The following CA12 variants were observed in gnomAD, a reference collection of about 807,000 sequenced individuals.
The protein encoded by CA12 is carbonate dehydratase XII.
CA12 carries 36 observed loss-of-function variants against 46.8 expected under a neutral mutation model. That is an observed-to-expected ratio of 0.77 (90% CI 0.59 to 1.02). The LOEUF (loss-of-function observed/expected upper bound fraction) is 1.02, where lower values mean the gene tolerates loss of function less well. Among genes scored for constraint, CA12 ranks in the 50% least tolerant of loss-of-function variants. The pLI is 0.00. For synonymous variants in CA12, 202 were observed against 187.0 expected, an observed-to-expected ratio of 1.08 and a Z score of -0.65; for missense variants, 436 against 451.4, an observed-to-expected ratio of 0.97 and a Z score of 0.31.
chr15:63,375,300 G>A (rs1225613465), intron 2 of CA12, among the ~76,000 whole-genome samples: 2 of 152,234 alleles, frequency 1.3e-5, no homozygotes, highest in Admixed American at 6.5e-5. Flanking sequence ...AATAGGATAT[G>A]TGTCCTGCAA....
At chr15:63,346,486 G>C (rs1567046148) in intron 3 of CA12, 44 bp downstream of exon 3, 2 of 1,593,258 alleles carry the variant, frequency 1.3e-6, no homozygotes, top group Non-Finnish European at 1.7e-6. Flanking sequence ...GCAGCTGAGG[G>C]AGACTCAGAC....
rs960822181 is a variant in CA12 at position 63,355,476 on chromosome 15, G to A, written c.107-8767C>T. 2.6e-5 allele frequency among the ~76,000 whole-genome samples: 4 copies of A among 152,268 alleles called. No homozygotes were observed. Among genetic ancestry groups the A allele is most frequent in the East Asian group, 1.9e-4 (1 of 5,180 alleles). On this transcript the variant is annotated intron_variant, in intron 2 of 10. Transcript: ENST00000178638. This position sits in a 1 kb window ranked among gnomAD's most constrained non-coding sequence, Gnocchi z 4.1. ...GGCCCCACCCCAGGCCTACCGAACC[G>A]GACACTCTGGGGGTGGCGCCCAGCA...
chr15:63,363,603 C>T (rs2039395099), intron 2 of CA12, among the ~76,000 whole-genome samples: 1 of 152,214 alleles, frequency 6.6e-6, no homozygotes, highest in South Asian at 2.1e-4. Context: ...CAGGCTCAAG[C>T]TCAAAAGCCA....
At chr15:63,375,125 C>T (rs575292434) in intron 2 of CA12, among the ~76,000 whole-genome samples, 1 of 152,350 alleles carries the variant, frequency 6.6e-6, no homozygotes, top group South Asian at 2.1e-4. Flanking sequence ...CCTCTCGCTT[C>T]ATTTAAGACA....
chr15:63,360,262 T>C (rs2039344343), intron 2 of CA12, among the ~76,000 whole-genome samples: 1 of 152,200 alleles, frequency 6.6e-6, no homozygotes, highest in South Asian at 2.1e-4. Context: ...CTCAGCATCA[T>C]TGGCTGAGGA....
rs568742440 is a variant in CA12, at chr15:63,373,902, G to C, written c.106+1756C>G. On this transcript the variant is annotated intron_variant, in intron 2 of 10. Coordinates refer to ENST00000178638, the MANE Select transcript of CA12 (RefSeq NM_001218.5). This position sits in a 1 kb window ranked among gnomAD's most constrained non-coding sequence, Gnocchi z 4.9. ...CCTACACACGGAACCTGCCCAAGGGGCCCTGTGGCCCAGATTCTGCGATTC... is the reference window on the plus strand; with the variant it reads ...CCTACACACGGAACCTGCCCAAGGGCCCCTGTGGCCCAGATTCTGCGATTC... 6.6e-6 allele frequency among the ~76,000 whole-genome samples: 1 copy of C among 152,280 alleles called. No homozygotes were observed. Among genetic ancestry groups the C allele is most frequent in the African/African-American group, 2.4e-5 (1 of 41,558 alleles).
chr15:63,361,492 C>A (rs2039363243), intron 2 of CA12, among the ~76,000 whole-genome samples: 1 of 152,142 alleles, frequency 6.6e-6, no homozygotes, highest in Non-Finnish European at 1.5e-5. Context: ...ATCTAGTGGG[C>A]AGAGGCCAGG....
rs1051444811 is a variant in CA12 at position 63,321,447 on chromosome 15, G to C, written c.*4838C>G. On this transcript the variant is annotated 3_prime_UTR_variant, in exon 11 of 11. Transcript: ENST00000178638. The surrounding 1 kb of genome is among the most constrained non-coding windows in gnomAD (Gnocchi z 4.5). ...GTAATCTGGCCCTTATCTCTGCCCA[G>C]TCATTCTATAATGAAGAGGCACGGG... The C allele has an allele frequency of 1.3e-5, 2 of 152,256 alleles. No individual in the cohort carries two copies. The highest frequency in any genetic ancestry group is 6.5e-5 in the Admixed American group (1 of 15,288). The allele number at this position is 152,256 out of a possible 1,614,324, so 9.4% of individuals were successfully genotyped here.
chr15:63,360,522 G>A lies in CA12; in HGVS notation c.107-13813C>T, dbSNP rs182031454. On this transcript the variant is annotated intron_variant, in intron 2 of 10. Transcript: ENST00000178638. ...TGCTGAAACATGAAAGACCCATGGAGAACTGTCTCCCAACACTACCCCTCA... is the reference window on the plus strand; with the variant it reads ...TGCTGAAACATGAAAGACCCATGGAAAACTGTCTCCCAACACTACCCCTCA... 1.0e-3 allele frequency among the ~76,000 whole-genome samples: 152 copies of A among 152,298 alleles called. 1 individual carries two copies. In the Middle Eastern group the frequency reaches 0.027, roughly 27 times the overall value.
At chr15:63,368,051 C>T (rs2039457644) in intron 2 of CA12, among the ~76,000 whole-genome samples, 1 of 152,174 alleles carries the variant, frequency 6.6e-6, no homozygotes, top group African/African-American at 2.4e-5. Context: ...GTTTTGCCTC[C>T]ACTGTTTTCA....
chr15:63,336,289 T>C (rs2039002565), intron 8 of CA12, among the ~76,000 whole-genome samples: 1 of 152,174 alleles, frequency 6.6e-6, no homozygotes, highest in Non-Finnish European at 1.5e-5. Flanking sequence ...GCTGCCCCAC[T>C]ACAAGCAGCT....
Position 63,328,133 on chromosome 15 carries a change from TAAAAG to T in CA12, c.875-8_875-4del, listed in dbSNP as rs754610491. ...TCCTGCCGCAGTACAGACTTGCACT[TAAAAG>T]GGGAGAGGAAAAGACGAGGTTACTC... On this transcript the variant is annotated splice_region_variant and splice_polypyrimidine_tract_variant and intron_variant, in intron 8 of 10. Transcript: ENST00000178638. The surrounding 1 kb of genome is among the most constrained non-coding windows in gnomAD (Gnocchi z 5.9). The T allele has an allele frequency of 6.2e-7, 1 of 1,613,822 alleles. No homozygotes were observed. Among genetic ancestry groups the T allele is most frequent in the Non-Finnish European group, 8.5e-7 (1 of 1,179,830 alleles).
At chr15:63,357,227 C>T (rs940488065) in intron 2 of CA12, among the ~76,000 whole-genome samples, 7 of 152,356 alleles carry the variant, frequency 4.6e-5, no homozygotes, top group African/African-American at 1.2e-4. Flanking sequence ...CAATCAGAAT[C>T]TCCTAGAGGG....
Position 63,322,698 on chromosome 15 carries a change from A to G in CA12, c.*3587T>C, listed in dbSNP as rs2152607349. The G allele has an allele frequency of 6.6e-6, 1 of 152,372 alleles. No homozygotes were observed. The highest frequency in any genetic ancestry group is 1.9e-4 in the East Asian group (1 of 5,194). The allele number at this position is 152,372 out of a possible 1,614,324, so 9.4% of individuals were successfully genotyped here. ...CCCCAGTGGGGTGGGAGCAAGTCCA[A>G]GGAGTGAGTGCTTCGTGGGAACTCT... On this transcript the variant is annotated 3_prime_UTR_variant, in exon 11 of 11. Coordinates refer to ENST00000178638, the MANE Select transcript of CA12 (RefSeq NM_001218.5). The surrounding 1 kb of genome is among the most constrained non-coding windows in gnomAD (Gnocchi z 4.1).
At chr15:63,326,599 G>A (rs974479317) in intron 10 of CA12, among the ~76,000 whole-genome samples, 1 of 152,120 alleles carries the variant, frequency 6.6e-6, no homozygotes, top group Non-Finnish European at 1.5e-5. Flanking sequence ...TATTTTGAAA[G>A]AGGTCTCGTT....
Position 63,322,395 on chromosome 15 carries a change from C to T in CA12, c.*3890G>A, listed in dbSNP as rs1431607311. 1.3e-5 allele frequency: 2 copies of T among 149,836 alleles called. No individual in the cohort carries two copies. Among genetic ancestry groups the T allele is most frequent in the African/African-American group, 5.0e-5 (2 of 39,806 alleles). 9.3% of individuals were successfully genotyped at this position (149,836 alleles called of 1,614,324 possible). A position where few individuals can be genotyped will look rare whatever the true frequency, so the allele number is the denominator to read the frequency against. On this transcript the variant is annotated 3_prime_UTR_variant, in exon 11 of 11. Coordinates refer to ENST00000178638, the MANE Select transcript of CA12 (RefSeq NM_001218.5). The surrounding 1 kb of genome is among the most constrained non-coding windows in gnomAD (Gnocchi z 4.1). The stretch of plus-strand genomic sequence containing the variant: ...TCTAAAATTAAATTTAAATTAATGT[C>T]ACTGGTTTTTTTTTTTTTACCTTTT...
chr15:63,327,222 A>G lies in CA12; in HGVS notation c.919T>C (p.Ser307Pro). 3.1e-6 allele frequency: 5 copies of G among 1,613,932 alleles called. No homozygotes were observed. Among genetic ancestry groups the G allele is most frequent in the Non-Finnish European group, 4.2e-6 (5 of 1,179,876 alleles). The change falls in exon 10 of 11, where the codon TCA becomes CCA. Residue 307 changes from serine (S) to proline (P), a missense_variant. Ser to Pro is a moderately conservative substitution (Grantham distance 74). Coordinates refer to ENST00000178638, the MANE Select transcript of CA12 (RefSeq NM_001218.5). The surrounding 1 kb of genome is among the most constrained non-coding windows in gnomAD (Gnocchi z 4.5). ...CCAAGAATGCCAGCCAGGGCCAGTG[A>G]GAGGATGATGCCTGGTGAAGAGGTA... ...AAGLSLGIIL[S>P]LALAGILGIC...
Position 63,329,397 on chromosome 15 carries a change from T to C in CA12, c.875-1267A>G. 6.6e-6 allele frequency among the ~76,000 whole-genome samples: 1 copy of C among 152,170 alleles called. No individual in the cohort carries two copies. The highest frequency in any genetic ancestry group is 2.1e-4 in the South Asian group (1 of 4,830). The stretch of plus-strand genomic sequence containing the variant: ...GGGGGGAAAATCACATGAGAATCCA[T>C]TGTCTTGAGTGAGCAGAGGATCCCA... On this transcript the variant is annotated intron_variant, in intron 8 of 10. Coordinates refer to ENST00000178638, the MANE Select transcript of CA12 (RefSeq NM_001218.5). This position sits in a 1 kb window ranked among gnomAD's most constrained non-coding sequence, Gnocchi z 4.8.
At chr15:63,337,316 A>G (rs1272033499) in intron 8 of CA12, among the ~76,000 whole-genome samples, 1 of 152,234 alleles carries the variant, frequency 6.6e-6, no homozygotes, top group African/African-American at 2.4e-5. Flanking sequence ...GGGCCTTCAA[A>G]TACAGTCTCC....
Sources: gnomAD v4.1 joint callset for allele counts (sites outside exome capture counted in the v4.1 genomes callset) on GRCh38, gnomAD v4.1.1 for gene constraint, Gnocchi (gnomAD v3.1) non-coding constraint, MANE v1.5 for transcripts, NCBI Gene and HGNC (gene_info 2026-07-23, HGNC 2026-07-21) for gene names.